The following GRK3 variants were observed in gnomAD, a reference collection of about 807,000 sequenced individuals.
GRK3 encodes the protein G protein-coupled receptor kinase 3, also known as adrenergic, beta, receptor kinase 2.
GRK3 carries 54 observed loss-of-function variants against 95.7 expected under a neutral mutation model. The observed-to-expected ratio is 0.56, with a 90% CI of 0.45 to 0.71. The LOEUF (loss-of-function observed/expected upper bound fraction) is 0.71, where lower values mean the gene tolerates loss of function less well. Ranked by LOEUF, GRK3 falls within the 30% of genes least tolerant of loss-of-function variation. The pLI is 0.00. For synonymous variants in GRK3, 281 were observed against 290.8 expected (o/e 0.97, Z 0.34); for missense variants, 649 against 851.2 (o/e 0.76, Z 2.96).
At chr22:25,623,180 C>T (rs757101608) in intron 2 of GRK3, among the ~76,000 whole-genome samples, 2 of 152,146 alleles carry the variant, frequency 1.3e-5, no homozygotes, top group African/African-American at 2.4e-5. Flanking sequence ...GACCTCAAAG[C>T]AATCTGCCTG....
At chr22:25,689,669 A>G (rs986204750) in intron 11 of GRK3, among the ~76,000 whole-genome samples, 3 of 152,230 alleles carry the variant, frequency 2.0e-5, no homozygotes, top group African/African-American at 7.2e-5. Context: ...ACTAATAAGC[A>G]GAAATGACAC....
chr22:25,651,336 T>G (rs1474644426), intron 3 of GRK3, among the ~76,000 whole-genome samples: 1 of 152,200 alleles, frequency 6.6e-6, no homozygotes, highest in Non-Finnish European at 1.5e-5. Flanking sequence ...TTCTTAACTA[T>G]CATTATTTAC....
chr22:25,647,425 T>A, intron 3 of GRK3: 31 of 1,319,988 alleles, frequency 2.3e-5, no homozygotes, highest in Non-Finnish European at 3.4e-5. Context: ...TTCAGCCGTC[T>A]TTCCATTCCA....
At chr22:25,666,213 TAGC>T (rs1433898815) in intron 5 of GRK3, among the ~76,000 whole-genome samples, 1 of 152,200 alleles carries the variant, frequency 6.6e-6, no homozygotes, top group African/African-American at 2.4e-5. Context: ...TTTACTTTAT[TAGC>T]AGAAAGTAGG....
At chr22:25,679,713 G>A (rs1323174748) in intron 9 of GRK3, among the ~76,000 whole-genome samples, 1 of 152,184 alleles carries the variant, frequency 6.6e-6, no homozygotes, top group Non-Finnish European at 1.5e-5. Context: ...GGTGTTCAGA[G>A]TGGGTTAGGG....
chr22:25,610,045 G>C (rs960351368), intron 2 of GRK3, among the ~76,000 whole-genome samples: 1 of 151,448 alleles, frequency 6.6e-6, no homozygotes, highest in African/African-American at 2.4e-5. Context: ...GAGACACAGG[G>C]TTTCACCATG....
At chr22:25,589,159 A>G (rs1398895012) in intron 1 of GRK3, among the ~76,000 whole-genome samples, 1 of 152,208 alleles carries the variant, frequency 6.6e-6, no homozygotes, top group Non-Finnish European at 1.5e-5. Flanking sequence ...GCAATATGTT[A>G]CCTATTAATT....
rs35202175 is a variant in GRK3, at chr22:25,599,591, C to CA, written c.114-4771dup. On this transcript the variant is annotated intron_variant, in intron 1 of 20. Coordinates refer to ENST00000324198, the MANE Select transcript of GRK3 (RefSeq NM_005160.4). Reference sequence around the variant, plus strand: ...TAGGTGACAGAGCGAGACTCTGTCTCAAAAAAAAAAAAAAAGAAAAGAAAA... The same window carrying CA: ...TAGGTGACAGAGCGAGACTCTGTCTCAAAAAAAAAAAAAAAAGAAAAGAAAA... Among the ~76,000 whole-genome samples the CA allele has an allele frequency of 8.5e-3, 699 of 82,152 alleles. 4 individuals carry two copies. Among genetic ancestry groups the CA allele is most frequent in the Non-Finnish European group, 0.014 (472 of 33,778 alleles). The allele number at this position is 82,152 out of a possible 152,430, so 53.9% of individuals were successfully genotyped here. A position where few individuals can be genotyped will look rare whatever the true frequency, so the allele number is the denominator to read the frequency against.
At chr22:25,579,785 T>C (rs1313505900) in intron 1 of GRK3, among the ~76,000 whole-genome samples, 1 of 152,116 alleles carries the variant, frequency 6.6e-6, no homozygotes, top group East Asian at 1.9e-4. Context: ...GGGACTTCTT[T>C]ACAGAAGAAT....
At chr22:25,686,209 G>A (rs1240362994) in intron 10 of GRK3, among the ~76,000 whole-genome samples, 2 of 150,136 alleles carry the variant, frequency 1.3e-5, no homozygotes, top group East Asian at 2.0e-4. Context: ...GTGACAGAGC[G>A]AGACTCCGTC....
At chr22:25,690,354 C>A in intron 12 of GRK3, 71 bp downstream of exon 12, 1 of 1,093,578 alleles carries the variant, frequency 9.1e-7, no homozygotes, top group South Asian at 1.3e-5. Flanking sequence ...CCATTTGTCA[C>A]CCCATTTCTC....
At chr22:25,665,149 T>G (rs2084933684) in intron 5 of GRK3, among the ~76,000 whole-genome samples, 1 of 152,214 alleles carries the variant, frequency 6.6e-6, no homozygotes, top group Non-Finnish European at 1.5e-5. Flanking sequence ...AGGGAGGTCT[T>G]GATTCAGTGA....
intron 2 of GRK3, 21 bp from the exon 3 acceptor site, chr22:25,644,571 T>G: frequency 7.5e-7 from 1 of 1,335,038 alleles, no homozygotes; most frequent in Non-Finnish European, 1.0e-6. Context: ...CACCCTGAAA[T>G]TTTTTATTTT....
chr22:25,702,276 A>AT (rs1337766621), intron 13 of GRK3, among the ~76,000 whole-genome samples: 15 of 152,322 alleles, frequency 9.8e-5, no homozygotes, highest in African/African-American at 3.6e-4. Flanking sequence ...TAACCTAATT[A>AT]ATTCAGTAGG....
intron 10 of GRK3, among the ~76,000 whole-genome samples, chr22:25,686,319 C>G (rs1419343601): frequency 6.6e-6 from 1 of 152,138 alleles, no homozygotes; most frequent in Non-Finnish European, 1.5e-5. Context: ...ACAGCAGCAT[C>G]TACCCTAGGT....
chr22:25,696,073 G>A (rs1056013574), intron 13 of GRK3, among the ~76,000 whole-genome samples: 12 of 152,128 alleles, frequency 7.9e-5, no homozygotes, highest in Admixed American at 7.9e-4. Flanking sequence ...CTGACTGGGT[G>A]ATCCGCCTGC....
intron 11 of GRK3, among the ~76,000 whole-genome samples, chr22:25,688,367 A>G (rs2085138812): frequency 6.6e-6 from 1 of 152,170 alleles, no homozygotes; most frequent in African/African-American, 2.4e-5. Flanking sequence ...GGAAATGTAC[A>G]ATGATGGATA....
intron 1 of GRK3, among the ~76,000 whole-genome samples, chr22:25,567,565 G>T (rs1459199043): frequency 6.6e-6 from 1 of 152,126 alleles, no homozygotes; most frequent in African/African-American, 2.4e-5. Context: ...AAAGGGATAC[G>T]GGTCAAATGT....
intron 11 of GRK3, 52 bp from the exon 12 acceptor site, chr22:25,690,137 C>T: frequency 4.3e-6 from 6 of 1,397,674 alleles, no homozygotes; most frequent in Non-Finnish European, 6.1e-6. Flanking sequence ...GTTCTCAAAG[C>T]CTGCATGGCA....
Sources: gnomAD v4.1 joint callset for allele counts (sites outside exome capture counted in the v4.1 genomes callset) on GRCh38, gnomAD v4.1.1 for gene constraint, MANE v1.5 for transcripts, NCBI Gene and HGNC (gene_info 2026-07-23, HGNC 2026-07-21) for gene names.